Variants in KHDRBS2 observed in about 807,000 individuals in gnomAD.
The protein encoded by KHDRBS2 is KH RNA binding domain containing, signal transduction associated 2, also known as KH domain-containing, RNA-binding, signal transduction-associated protein 2.
A neutral mutation model predicts 44.3 loss-of-function variants in KHDRBS2; 26 were observed. The ratio of observed to expected loss-of-function variants is 0.59; its 90% CI spans 0.43 to 0.81. The LOEUF (loss-of-function observed/expected upper bound fraction) is 0.81. Ranked by LOEUF, KHDRBS2 falls within the 40% of genes least tolerant of loss-of-function variation. The pLI is 0.00. For synonymous variants in KHDRBS2, 194 were observed against 151.1 expected (o/e 1.28, Z -2.08); for missense variants, 476 against 433.1 (o/e 1.10, Z -0.88).
the KHDRBS2 span, among the ~76,000 whole-genome samples, chr6:61,610,248 G>T: frequency 1.7e-4 from 26 of 151,990 alleles, no homozygotes; most frequent in African/African-American, 6.0e-4. Context: ...TTCCTATTAG[G>T]AAATCACATT....
At chr6:61,811,423 T>A (rs1351926501) in intron 6 of KHDRBS2, among the ~76,000 whole-genome samples, 1 of 152,194 alleles carries the variant, frequency 6.6e-6, no homozygotes, top group Non-Finnish European at 1.5e-5. Flanking sequence ...CAAGTCCATG[T>A]GTCTCTCAGG....
At chr6:61,676,106 C>A (rs1351907091), downstream of KHDRBS2, among the ~76,000 whole-genome samples, 1 of 151,766 alleles carries the variant, frequency 6.6e-6, no homozygotes, top group Non-Finnish European at 1.5e-5. Flanking sequence ...CAAGAGAAGG[C>A]ATCCTCTGTT....
intron 3 of KHDRBS2, among the ~76,000 whole-genome samples, chr6:61,990,936 C>A (rs896564819): frequency 6.6e-6 from 1 of 152,272 alleles, no homozygotes; most frequent in African/African-American, 2.4e-5. Flanking sequence ...TCTCAATCTC[C>A]TGATCTTGTG....
rs145941734 is a variant in KHDRBS2, at chr6:62,133,345, T to C, written c.219+43840A>G. On this transcript the variant is annotated intron_variant, in intron 2 of 8. Coordinates refer to ENST00000281156, the MANE Select transcript of KHDRBS2 (RefSeq NM_152688.4). The stretch of plus-strand genomic sequence containing the variant: ...TAAGTCTCATGAGATCTGATAGTTT[T>C]ATAAGGGGAATCCCCTTTTGCTTGG... Among the ~76,000 whole-genome samples the C allele has an allele frequency of 9.6e-3, 1,467 of 152,320 alleles. 14 individuals are homozygous for C. Among genetic ancestry groups the C allele is most frequent in the Non-Finnish European group, 0.017 (1,154 of 68,032 alleles).
intron 6 of KHDRBS2, among the ~76,000 whole-genome samples, chr6:61,735,140 C>CA (rs1775127678): frequency 8.1e-6 from 1 of 124,060 alleles, no homozygotes; most frequent in East Asian, 2.2e-4. Context: ...CTTTTGTTTT[C>CA]ATTTTTTTGG....
chr6:61,618,233 C>A, the KHDRBS2 span, among the ~76,000 whole-genome samples: 2 of 152,142 alleles, frequency 1.3e-5, no homozygotes, highest in Non-Finnish European at 2.9e-5. Context: ...GTACCAAGCA[C>A]TGTGTCTTTG....
intron 7 of KHDRBS2, among the ~76,000 whole-genome samples, chr6:61,706,953 C>A (rs73757892): frequency 0.27 from 28,484 of 107,354 alleles, 3,763 homozygotes; most frequent in African/African-American, 0.47. Flanking sequence ...AAAACAAAAA[C>A]AAAAACAAAA....
At chr6:61,730,516 A>C (rs926887298) in intron 7 of KHDRBS2, among the ~76,000 whole-genome samples, 10 of 152,142 alleles carry the variant, frequency 6.6e-5, no homozygotes, top group African/African-American at 2.4e-4. Flanking sequence ...GATAGGGGAC[A>C]TGTACACAAA....
chr6:62,087,211 A>G (rs189931228), intron 2 of KHDRBS2, among the ~76,000 whole-genome samples: 14 of 152,258 alleles, frequency 9.2e-5, no homozygotes, highest in Non-Finnish European at 1.8e-4. Context: ...AACATTCCAC[A>G]AACAATGAAA....
rs747431309 is a variant in KHDRBS2 at position 61,894,702 on chromosome 6, C to T, written c.743G>A (p.Arg248Gln). Residue 248 changes from arginine to glutamine, a missense_variant, in exon 6 of 9, where the codon CGG becomes CAG. Physicochemically the swap from Arg to Gln is conservative, Grantham distance 43. Coordinates refer to ENST00000281156, the MANE Select transcript of KHDRBS2 (RefSeq NM_152688.4). ...GTATCCTGGCACTGTTGGTGCCCCC[C>T]GGGCTCGAGGGGTAGGGACACCTCT... ...VARGVPTPRARGAPTVPGYRA... is the reference protein window; with the variant it reads ...VARGVPTPRAQGAPTVPGYRA... The T allele has an allele frequency of 1.5e-5, 25 of 1,613,422 alleles. No individual in the cohort carries two copies. Among genetic ancestry groups the T allele is most frequent in the Non-Finnish European group, 1.8e-5 (21 of 1,179,750 alleles).
chr6:62,066,812 T>C (rs1296039179), intron 2 of KHDRBS2, among the ~76,000 whole-genome samples: 1 of 151,634 alleles, frequency 6.6e-6, no homozygotes, highest in Non-Finnish European at 1.5e-5. Flanking sequence ...TGAAACATTT[T>C]AAAATAAGTA....
intron 2 of KHDRBS2, among the ~76,000 whole-genome samples, chr6:62,096,065 T>A (rs566847822): frequency 1.3e-5 from 2 of 152,088 alleles, no homozygotes; most frequent in Admixed American, 1.3e-4. Flanking sequence ...CTGGGATGAA[T>A]CCCATTTGAT....
chr6:62,118,599 T>C (rs1806854302), intron 2 of KHDRBS2, among the ~76,000 whole-genome samples: 1 of 152,154 alleles, frequency 6.6e-6, no homozygotes, highest in Non-Finnish European at 1.5e-5. Context: ...AGGAGATTAA[T>C]ATTTGAGTCA....
chr6:62,049,663 A>G (rs1788541044), intron 2 of KHDRBS2, among the ~76,000 whole-genome samples: 1 of 152,154 alleles, frequency 6.6e-6, no homozygotes, highest in East Asian at 1.9e-4. Context: ...AAGATTCTAG[A>G]TATCAGACCT....
At chr6:62,005,376 A>G (rs1335113865) in intron 3 of KHDRBS2, among the ~76,000 whole-genome samples, 1 of 152,048 alleles carries the variant, frequency 6.6e-6, no homozygotes, top group East Asian at 1.9e-4. Flanking sequence ...TTTTGAAGCC[A>G]CTGCAACACT....
chr6:62,127,574 TTC>T (rs1156697024), intron 2 of KHDRBS2, among the ~76,000 whole-genome samples: 1 of 152,158 alleles, frequency 6.6e-6, no homozygotes. Context: ...AAGTTTTTTT[TTC>T]TTACATTTTA....
intron 2 of KHDRBS2, among the ~76,000 whole-genome samples, chr6:62,089,818 A>AT (rs1035418531): frequency 6.6e-6 from 1 of 152,162 alleles, no homozygotes; most frequent in African/African-American, 2.4e-5. Context: ...AAGTAATTAC[A>AT]TTTTTTGAAG....
chr6:61,591,090 T>G, the KHDRBS2 span, among the ~76,000 whole-genome samples: 1 of 152,182 alleles, frequency 6.6e-6, no homozygotes, highest in African/African-American at 2.4e-5. Flanking sequence ...AGGATGAGAA[T>G]GAAATCACAA....
the KHDRBS2 span, among the ~76,000 whole-genome samples, chr6:61,582,476 G>A: frequency 3.3e-5 from 5 of 151,808 alleles, no homozygotes; most frequent in East Asian, 7.7e-4. Context: ...CTAAAATAGT[G>A]TTCAAAATAT....
Sources: allele counts gnomAD v4.1 joint callset (sites outside exome capture counted in the v4.1 genomes callset), GRCh38; gene constraint gnomAD v4.1.1; transcripts MANE v1.5; gene names NCBI Gene and HGNC (gene_info 2026-07-23, HGNC 2026-07-21).